SLC16A1: variants seen among roughly 807,000 people sequenced by gnomAD.
SLC16A1 encodes the protein monocarboxylate transporter 1.
SLC16A1 carries 11 observed loss-of-function variants against 32.2 expected under a neutral mutation model. That is an observed-to-expected ratio of 0.34 (90% CI 0.21 to 0.56). The LOEUF (loss-of-function observed/expected upper bound fraction) is 0.56, where lower values mean the gene tolerates loss of function less well. SLC16A1 is among the 20% of genes least tolerant of loss of function. The pLI, the probability that SLC16A1 is intolerant of heterozygous loss-of-function variation, is 0.87. For synonymous variants in SLC16A1, 231 were observed against 226.8 expected, an observed-to-expected ratio of 1.02 and a Z score of -0.17; for missense variants, 435 against 615.0, an observed-to-expected ratio of 0.71 and a Z score of 3.10.
chr1:112,952,103 A>G (rs1649918250), intron 1 of SLC16A1, among the ~76,000 whole-genome samples: 1 of 152,194 alleles, frequency 6.6e-6, no homozygotes, highest in Non-Finnish European at 1.5e-5. Context: ...CCTGAACTAA[A>G]TTTGTTCAGT....
In SLC16A1 at chr1:112,945,212, C is replaced by T. The variant is rs190889904; in HGVS notation, c.-45+10823G>A. On this transcript the variant is annotated intron_variant, in intron 1 of 4. Transcript: ENST00000369626. ...TAGGGTTTCGCCCTGTTTGCCATGG[C>T]GGTCTCAAACTCCTGACCTCAGGCC... Among the ~76,000 whole-genome samples the T allele has an allele frequency of 4.6e-5, 7 of 151,420 alleles. No individual in the cohort carries two copies. The South Asian group carries it at 6.3e-4, about 14-fold the overall frequency.
intron 1 of SLC16A1, among the ~76,000 whole-genome samples, chr1:112,951,695 A>C (rs1043705639): frequency 7.2e-5 from 11 of 152,230 alleles, no homozygotes; most frequent in Non-Finnish European, 1.3e-4. Flanking sequence ...CTAAATACTA[A>C]AAGCCATTTG....
chr1:112,939,567 A>G (rs947475488), intron 1 of SLC16A1, among the ~76,000 whole-genome samples: 16 of 151,922 alleles, frequency 1.1e-4, no homozygotes, highest in African/African-American at 3.6e-4. Flanking sequence ...GTGCAATGGC[A>G]TGATCTCGGC....
At chr1:112,922,156 G>C (rs1179498159) in intron 2 of SLC16A1, 23 bp from the exon 3 acceptor site, 1 of 1,611,164 alleles carries the variant, frequency 6.2e-7, no homozygotes, top group African/African-American at 1.3e-5. Flanking sequence ...CAAAAATGTA[G>C]TAATATAAAG....
intron 3 of SLC16A1, among the ~76,000 whole-genome samples, chr1:112,919,124 G>A (rs895965191): frequency 2.6e-5 from 4 of 151,904 alleles, no homozygotes; most frequent in South Asian, 2.1e-4. Flanking sequence ...TCCACCTCCC[G>A]GGTTCACACC....
rs11585690 is a variant in SLC16A1, at chr1:112,913,746, A to C, written c.*145T>G. ...AGGCTATTGGTAAGGAGTCAAACAAAAATCCCATCAATGAACAACTGGTAT... is the reference window on the plus strand; with the variant it reads ...AGGCTATTGGTAAGGAGTCAAACAACAATCCCATCAATGAACAACTGGTAT... On this transcript the variant is annotated 3_prime_UTR_variant, in exon 5 of 5. Coordinates refer to ENST00000369626, the MANE Select transcript of SLC16A1 (RefSeq NM_003051.4). The C allele has an allele frequency of 0.023, 23,849 of 1,022,230 alleles. 393 individuals are homozygous for C. Among genetic ancestry groups the C allele is most frequent in the Non-Finnish European group, 0.03 (19,727 of 665,648 alleles). 63.3% of individuals were successfully genotyped at this position (1,022,230 alleles called of 1,614,324 possible).
At chr1:112,932,122 C>T (rs1649152173) in intron 1 of SLC16A1, among the ~76,000 whole-genome samples, 1 of 152,178 alleles carries the variant, frequency 6.6e-6, no homozygotes, top group Admixed American at 6.5e-5. Flanking sequence ...TAGCTCCATA[C>T]AAGAAGTTTC....
rs183250026 is a variant in SLC16A1 at position 112,925,270 on chromosome 1, A to G, written c.218-3137T>C. Among the ~76,000 whole-genome samples, 797 of 152,306 alleles carry G rather than the reference A, an allele frequency of 5.2e-3. 9 individuals carry two copies. Among genetic ancestry groups the G allele is most frequent in the African/African-American group, 0.018 (750 of 41,560 alleles). ...CTGCAGACCCAACCTCCTAGGCTCA[A>G]GTGATACTGCCACCACTGCCTCCAA... On this transcript the variant is annotated intron_variant, in intron 2 of 4. Coordinates refer to ENST00000369626, the MANE Select transcript of SLC16A1 (RefSeq NM_003051.4).
rs575719981 is a variant in SLC16A1 at position 112,947,629 on chromosome 1, T to A, written c.-45+8406A>T. On this transcript the variant is annotated intron_variant, in intron 1 of 4. Coordinates refer to ENST00000369626, the MANE Select transcript of SLC16A1 (RefSeq NM_003051.4). ...TTCATTTTAAAGTTTTAGTCTCATT[T>A]TAAACGTTTTTAAACCATATTTTAA... Among the ~76,000 whole-genome samples the A allele has an allele frequency of 9.5e-4, 145 of 152,360 alleles. 3 individuals carry two copies. The highest frequency in any genetic ancestry group is 9.3e-3 in the Admixed American group (143 of 15,302).
rs573079650 is a variant in SLC16A1, at chr1:112,913,498, A to C, written c.*393T>G. The C allele has an allele frequency of 9.0e-5, 16 of 178,446 alleles. No individual in the cohort carries two copies. The highest frequency in any genetic ancestry group is 1.7e-4 in the Non-Finnish European group (14 of 83,234). 11.1% of individuals were successfully genotyped at this position (178,446 alleles called of 1,614,324 possible). A position where few individuals can be genotyped will look rare whatever the true frequency, so the allele number is the denominator to read the frequency against. On this transcript the variant is annotated 3_prime_UTR_variant, in exon 5 of 5. Transcript: ENST00000369626. Reference sequence around the variant, plus strand: ...TAATTTTAAATTTTAGATTTGCCTCAAACAAGTTAGTTGTTATTTTTCCTT... The same window carrying C: ...TAATTTTAAATTTTAGATTTGCCTCCAACAAGTTAGTTGTTATTTTTCCTT...
At chr1:112,927,627 A>G (rs1331632978) in intron 2 of SLC16A1, among the ~76,000 whole-genome samples, 1 of 152,224 alleles carries the variant, frequency 6.6e-6, no homozygotes, top group Non-Finnish European at 1.5e-5. Flanking sequence ...GGATAGGCCT[A>G]ATTAGCTATC....
At chr1:112,937,392 A>G (rs1320182860) in intron 1 of SLC16A1, among the ~76,000 whole-genome samples, 3 of 152,232 alleles carry the variant, frequency 2.0e-5, no homozygotes, top group Non-Finnish European at 4.4e-5. Context: ...AAAGGAAATA[A>G]GAAAGTATAA....
intron 1 of SLC16A1, among the ~76,000 whole-genome samples, chr1:112,943,564 G>A (rs1455160314): frequency 1.3e-5 from 2 of 151,908 alleles, no homozygotes; most frequent in Non-Finnish European, 2.9e-5. Flanking sequence ...AAGGCGGGTG[G>A]ATCACCTGAG....
At chr1:112,919,003 CTAATT>C (rs1477472732) in intron 3 of SLC16A1, among the ~76,000 whole-genome samples, 1 of 99,972 alleles carries the variant, frequency 1.0e-5, no homozygotes, top group Non-Finnish European at 2.3e-5. Flanking sequence ...AATGAATGTA[CTAATT>C]TATTTTATTT....
intron 2 of SLC16A1, 95 bp downstream of exon 2, chr1:112,928,997 C>T (rs1449696456): frequency 2.2e-6 from 2 of 890,100 alleles, no homozygotes; most frequent in Non-Finnish European, 3.5e-6. Context: ...AAACATCTCA[C>T]TGAATAAGAC....
chr1:112,953,751 C>G (rs140841399), intron 1 of SLC16A1, among the ~76,000 whole-genome samples: 215 of 152,302 alleles, frequency 1.4e-3, no homozygotes, highest in African/African-American at 4.9e-3. Flanking sequence ...TTCCACCCAT[C>G]ATCACTGTCT....
At chr1:112,916,421 C>A (rs1187308975) in intron 4 of SLC16A1, among the ~76,000 whole-genome samples, 1 of 148,132 alleles carries the variant, frequency 6.8e-6, no homozygotes, top group Non-Finnish European at 1.5e-5. Flanking sequence ...TTGCTTGAAC[C>A]CAGGAGGCAG....
intron 1 of SLC16A1, among the ~76,000 whole-genome samples, chr1:112,954,519 T>C (rs1650009121): frequency 6.6e-6 from 1 of 152,214 alleles, no homozygotes; most frequent in African/African-American, 2.4e-5. Context: ...GGCTAAAACA[T>C]GTAAACTAGT....
intron 3 of SLC16A1, among the ~76,000 whole-genome samples, chr1:112,918,267 GC>G (rs1350124272): frequency 6.6e-6 from 1 of 152,094 alleles, no homozygotes; most frequent in Non-Finnish European, 1.5e-5. Context: ...TCCTATGACT[GC>G]TTCCTAATAT....
Sources: gnomAD v4.1 joint callset for allele counts (sites outside exome capture counted in the v4.1 genomes callset) on GRCh38, gnomAD v4.1.1 for gene constraint, MANE v1.5 for transcripts, NCBI Gene and HGNC (gene_info 2026-07-23, HGNC 2026-07-21) for gene names.